Variants in DDX50 observed in about 807,000 individuals in gnomAD.
The protein encoded by DDX50 is DExD-box helicase 50.
In DDX50, 56 loss-of-function variants were observed where a neutral mutation model predicts 94.8. The ratio of observed to expected loss-of-function variants is 0.59; its 90% CI spans 0.48 to 0.74. The LOEUF (loss-of-function observed/expected upper bound fraction) is 0.74, where lower values mean the gene tolerates loss of function less well. Among genes scored for constraint, DDX50 ranks in the 30% least tolerant of loss-of-function variants. The pLI is 0.00. For synonymous variants in DDX50, 264 were observed against 295.4 expected (o/e 0.89, Z 1.09); for missense variants, 713 against 881.2 (o/e 0.81, Z 2.42).
intron 3 of DDX50, among the ~76,000 whole-genome samples, chr10:68,910,591 C>T (rs912388361): frequency 2.6e-5 from 4 of 152,088 alleles, no homozygotes; most frequent in Admixed American, 6.6e-5. Context: ...TTAGTAGAGA[C>T]GCAGTTTCAC....
chr10:68,914,038 A>G (rs2132029827), intron 6 of DDX50, 21 bp from the exon 7 acceptor site: 1 of 1,555,208 alleles, frequency 6.4e-7, no homozygotes, highest in East Asian at 2.4e-5. Flanking sequence ...AAAACATTTG[A>G]ATTCTTTTTG....
chr10:68,941,332 T>G lies in DDX50; in HGVS notation c.1890+138T>G, dbSNP rs931744545. ...TTTTTCTCTGTTAGTTTGTTTCCAG[T>G]TATAAATTTGGGGCATTATATATGT... On this transcript the variant is annotated intron_variant, in intron 13 of 14. Transcript: ENST00000373585. The G allele has an allele frequency of 2.4e-5, 29 of 1,204,726 alleles. No homozygotes were observed. The African/African-American group carries it at 4.2e-4, about 17-fold the overall frequency. 74.6% of individuals were successfully genotyped at this position (1,204,726 alleles called of 1,614,324 possible).
chr10:68,932,046 T>C (rs1483122121), intron 8 of DDX50, among the ~76,000 whole-genome samples: 3 of 152,216 alleles, frequency 2.0e-5, no homozygotes, highest in South Asian at 2.1e-4. Context: ...CCCTCTTAAG[T>C]ATTCCTGTAA....
Position 68,906,727 on chromosome 10 carries a change from C to G in DDX50, c.104C>G (p.Ser35Ter), listed in dbSNP as rs1841455816. 6.2e-7 allele frequency: 1 copy of G among 1,609,088 alleles called. No homozygotes were observed. The highest frequency in any genetic ancestry group is 8.5e-7 in the Non-Finnish European group (1 of 1,178,992). ...KERQKSDRRK[S>*]RHHYDSDEKS... ...TGTTCACAGAGTGACAGAAGGAAGTCAAGGCACCATTATGACTCGGATGAG... is the reference window on the plus strand; with the variant it reads ...TGTTCACAGAGTGACAGAAGGAAGTGAAGGCACCATTATGACTCGGATGAG... The change falls in exon 2 of 15, where the codon TCA (serine) becomes TGA (stop). Residue 35 changes from serine (S) to a stop codon, truncating the protein, a stop_gained. Coordinates refer to ENST00000373585, the MANE Select transcript of DDX50 (RefSeq NM_024045.2). LOFTEE classifies it high-confidence loss of function.
At chr10:68,912,045 T>C (rs1422278624) in intron 4 of DDX50, among the ~76,000 whole-genome samples, 1 of 152,200 alleles carries the variant, frequency 6.6e-6, no homozygotes, top group East Asian at 1.9e-4. Context: ...CATACATAAA[T>C]ATAATTAAAT....
intron 5 of DDX50, 45 bp from the exon 6 acceptor site, chr10:68,913,346 A>G: frequency 6.2e-7 from 1 of 1,603,200 alleles, no homozygotes; most frequent in Non-Finnish European, 8.5e-7. Flanking sequence ...AAATAATGTG[A>G]AAGTTTGAAT....
At position 68,934,105 on chromosome 10, in the gene DDX50, AAAAACATGC is replaced by A. The variant is rs1842342417; in HGVS notation, c.1240-89_1240-81del. 1 of 1,272,116 alleles carries A rather than the reference AAAAACATGC, an allele frequency of 7.9e-7. No homozygotes were observed. The highest frequency in any genetic ancestry group is 1.5e-5 in the African/African-American group (1 of 65,456). The allele number at this position is 1,272,116 out of a possible 1,614,324, so 78.8% of individuals were successfully genotyped here. On this transcript the variant is annotated intron_variant, in intron 8 of 14. Transcript: ENST00000373585. This position sits in a 1 kb window ranked among gnomAD's most constrained non-coding sequence, Gnocchi z 4.0. ...TGTTAAAATCATCAAAGTAAGATTT[AAAAACATGC>A]AAAAGGAGCACAGACTAGATGTTGT...
At position 68,901,410 on chromosome 10, in the gene DDX50, A is replaced by G. The variant is rs1589244363; in HGVS notation, c.26A>G (p.Asp9Gly). The change falls in exon 1 of 15, where the codon GAC becomes GGC. Residue 9 changes from aspartate (D) to glycine (G), a missense_variant. By Grantham distance (94) the Asp-to-Gly change is moderately conservative. This residue lies in a region of DDX50 where 285 missense variants were observed against 278.9 expected (regional missense o/e 1.02). Coordinates refer to ENST00000373585, the MANE Select transcript of DDX50 (RefSeq NM_024045.2). The stretch of plus-strand genomic sequence containing the variant: ...ATGCCTGGGAAACTCCTCTGGGGGG[A>G]CATTATGGAGCTGGAAGCACCCTTG... MPGKLLWG[D>G]IMELEAPLEE... 1 of 1,568,926 alleles carries G rather than the reference A, an allele frequency of 6.4e-7. No individual in the cohort carries two copies. The highest frequency in any genetic ancestry group is 2.4e-5 in the East Asian group (1 of 41,704).
chr10:68,915,713 TC>T lies in DDX50; in HGVS notation c.1089+1510del, dbSNP rs775033933. The stretch of plus-strand genomic sequence containing the variant: ...TCTGGAGACAGAGTGAGACAACATC[TC>T]AAAAAAAAAAAAAAGAAAAAAGAAC... On this transcript the variant is annotated intron_variant, in intron 7 of 14. Transcript: ENST00000373585. Among the ~76,000 whole-genome samples, 712 of 134,520 alleles carry T rather than the reference TC, an allele frequency of 5.3e-3. 4 individuals carry two copies. The highest frequency in any genetic ancestry group is 9.2e-3 in the Non-Finnish European group (585 of 63,550). The allele number at this position is 134,520 out of a possible 152,430, so 88.3% of individuals were successfully genotyped here. A position where few individuals can be genotyped will look rare whatever the true frequency, so the allele number is the denominator to read the frequency against.
rs138375357 is a variant in DDX50 at position 68,901,993 on chromosome 10, A to C, written c.87+522A>C. 3.0e-3 allele frequency among the ~76,000 whole-genome samples: 456 copies of C among 152,150 alleles called. 3 individuals are homozygous for C. Among genetic ancestry groups the C allele is most frequent in the African/African-American group, 0.01 (432 of 41,508 alleles). The stretch of plus-strand genomic sequence containing the variant: ...TTGCCAGGATTTGTCAGTGATGGAG[A>C]TCGTGTGGGTTGCATTATTAATAGC... On this transcript the variant is annotated intron_variant, in intron 1 of 14. Coordinates refer to ENST00000373585, the MANE Select transcript of DDX50 (RefSeq NM_024045.2).
chr10:68,910,139 A>T (rs917833746), intron 2 of DDX50, among the ~76,000 whole-genome samples, 168 bp from the exon 3 acceptor site: 1 of 151,934 alleles, frequency 6.6e-6, no homozygotes, highest in Admixed American at 6.6e-5. Context: ...GTGAGCTGTG[A>T]TGGTGCCACT....
At chr10:68,935,957 T>C in intron 10 of DDX50, 49 bp from the exon 11 acceptor site, 2 of 1,272,076 alleles carry the variant, frequency 1.6e-6, no homozygotes, top group Non-Finnish European at 1.1e-6. Context: ...ATTTAGGAAT[T>C]AATTGTAAAG....
At chr10:68,917,958 CTT>C (rs1841844353) in intron 7 of DDX50, among the ~76,000 whole-genome samples, 2 of 151,264 alleles carry the variant, frequency 1.3e-5, no homozygotes, top group African/African-American at 2.4e-5. Context: ...GAATTTCACT[CTT>C]GTCGCCCAGG....
intron 8 of DDX50, among the ~76,000 whole-genome samples, chr10:68,926,774 TAC>T (rs67773821): frequency 0.16 from 22,981 of 139,864 alleles, 1,723 homozygotes; most frequent in Admixed American, 0.21. Flanking sequence ...CACACAGAGA[TAC>T]ACACACACAC....
intron 8 of DDX50, among the ~76,000 whole-genome samples, chr10:68,926,337 G>A (rs1305514937): frequency 6.6e-6 from 1 of 150,528 alleles, no homozygotes; most frequent in Non-Finnish European, 1.5e-5. Context: ...TTTTAATCTT[G>A]AAGAAATTGT....
At chr10:68,903,871 G>T (rs550940536) in intron 1 of DDX50, among the ~76,000 whole-genome samples, 1 of 151,844 alleles carries the variant, frequency 6.6e-6, no homozygotes, top group East Asian at 1.9e-4. Context: ...AGCTACTCGG[G>T]AGGCTGAGAT....
intron 13 of DDX50, 82 bp downstream of exon 13, chr10:68,941,276 C>T (rs1175051568): frequency 1.3e-6 from 2 of 1,541,932 alleles, no homozygotes; most frequent in East Asian, 2.3e-5. Context: ...TGTTCTTTCT[C>T]TTTGAAGCCT....
chr10:68,915,601 A>G (rs1465598460), intron 7 of DDX50, among the ~76,000 whole-genome samples: 2 of 151,852 alleles, frequency 1.3e-5, no homozygotes, highest in East Asian at 3.9e-4. Flanking sequence ...CTGTAATCCC[A>G]GCTACTTAGG....
chr10:68,914,893 C>T (rs1004051823), intron 7 of DDX50, among the ~76,000 whole-genome samples: 8 of 151,952 alleles, frequency 5.3e-5, no homozygotes, highest in Admixed American at 3.9e-4. Context: ...TGGTGGCGGG[C>T]CCCTGTAGTC....
Sources: allele counts gnomAD v4.1 joint callset (sites outside exome capture counted in the v4.1 genomes callset), GRCh38; gene constraint gnomAD v4.1.1; regional missense constraint gnomAD v4.1.1; non-coding constraint Gnocchi (gnomAD v3.1); transcripts MANE v1.5; gene names NCBI Gene and HGNC (gene_info 2026-07-23, HGNC 2026-07-21).